Variants in RGS12 observed in about 807,000 individuals in gnomAD.
RGS12 encodes regulator of G-protein signaling 12.
In RGS12, 66 loss-of-function variants were observed where a neutral mutation model predicts 120.1. The observed-to-expected ratio is 0.55, with a 90% CI of 0.45 to 0.67. The LOEUF (loss-of-function observed/expected upper bound fraction) is 0.67, where lower values mean the gene tolerates loss of function less well. RGS12 is among the 30% of genes least tolerant of loss of function. The pLI, the probability that RGS12 is intolerant of heterozygous loss-of-function variation, is 0.00. For synonymous variants in RGS12, 827 were observed against 804.7 expected, an observed-to-expected ratio of 1.03 and a Z score of -0.47; for missense variants, 1,859 against 1,957.7, an observed-to-expected ratio of 0.95 and a Z score of 0.95.
At chr4:3,424,663 G>C (rs961528844) in intron 13 of RGS12, among the ~76,000 whole-genome samples, 1 of 152,242 alleles carries the variant, frequency 6.6e-6, no homozygotes, top group Admixed American at 6.5e-5. Context: ...TGTGAGCTGC[G>C]GCCCTCGGCT....
chr4:3,314,564 A>C (rs972333668), intron 1 of RGS12: 1 of 152,044 alleles, frequency 6.6e-6, no homozygotes, highest in African/African-American at 2.4e-5. Context: ...CACCATGCCC[A>C]GCTAATTTTT....
At position 3,417,067 on chromosome 4, in the gene RGS12, A is replaced by G; in HGVS notation, c.2582A>G (p.His861Arg). ...PASKHSLGSD[H>R]SSVSTPKKLS... is the part of the protein sequence containing the mutation. ...TCCAAGCACAGCCTCGGTTCAGACC[A>G]CTCCAGTGTGTCCACGCCAAAAAAG... Residue 861 changes from histidine (H) to arginine (R), a missense_variant, in exon 8 of 18, where the codon CAC (histidine) becomes CGC (arginine). His to Arg is a conservative substitution (Grantham distance 29). This residue lies in a region of RGS12 where 375 missense variants were observed against 475.0 expected (regional missense o/e 0.79). Transcript: ENST00000336727. 6.2e-7 allele frequency: 1 copy of G among 1,607,904 alleles called. No homozygotes were observed. Among genetic ancestry groups the G allele is most frequent in the Non-Finnish European group, 8.5e-7 (1 of 1,175,866 alleles).
intron 3 of RGS12, among the ~76,000 whole-genome samples, chr4:3,373,399 GGGGCGTGCCT>G (rs1239081142): frequency 6.6e-6 from 1 of 152,212 alleles, no homozygotes; most frequent in Non-Finnish European, 1.5e-5. Flanking sequence ...GAGGGTTTCG[GGGGCGTGCCT>G]GGGCTGACGT....
chr4:3,381,995 C>T (rs191490018), intron 3 of RGS12, among the ~76,000 whole-genome samples: 2 of 152,330 alleles, frequency 1.3e-5, no homozygotes, highest in Non-Finnish European at 2.9e-5. Flanking sequence ...TGCCAGCACC[C>T]AGCACCACTT....
chr4:3,291,758 C>G (rs1248387198), upstream of RGS12, among the ~76,000 whole-genome samples: 2 of 152,190 alleles, frequency 1.3e-5, no homozygotes, highest in Non-Finnish European at 2.9e-5. Flanking sequence ...TGTAACCGCT[C>G]TGGCCGCGCT....
Position 3,372,550 on chromosome 4 carries a change from C to T in RGS12, c.1999-13866C>T, listed in dbSNP as rs1001711282. 5.9e-5 allele frequency among the ~76,000 whole-genome samples: 9 copies of T among 152,142 alleles called. No homozygotes were observed. The highest frequency in any genetic ancestry group is 8.8e-5 in the Non-Finnish European group (6 of 68,030). ...ACTTTAGTCCTCAGCTGTCAGAGGC[C>T]GCCTCGGGTGCATCCACGCTGGCCC... On this transcript the variant is annotated intron_variant, in intron 3 of 17. Transcript: ENST00000336727. The surrounding 1 kb of genome is among the most constrained non-coding windows in gnomAD (Gnocchi z 4.3).
rs559547152 is a variant in RGS12 at position 3,344,259 on chromosome 4, G to A, written c.1998+1206G>A. Among the ~76,000 whole-genome samples, 8 of 152,290 alleles carry A rather than the reference G, an allele frequency of 5.3e-5. No individual in the cohort carries two copies. The South Asian group carries it at 6.2e-4, about 12-fold the overall frequency. On this transcript the variant is annotated intron_variant, in intron 3 of 17. Transcript: ENST00000336727. ...TGGCCTGTTTAGCTTTGGTCTCTCC[G>A]GGGAACTCGAGGGCAGGTCAGGGCT...
rs2108867219 is a variant in RGS12, at chr4:3,366,322, G to C, written c.1999-20094G>C. ...AGGATGGGAGAGCCCAGCTGGGGGAGATTTGAGGGCCCTGCCCATAGAGGA... is the reference window on the plus strand; with the variant it reads ...AGGATGGGAGAGCCCAGCTGGGGGACATTTGAGGGCCCTGCCCATAGAGGA... On this transcript the variant is annotated intron_variant, in intron 3 of 17. Coordinates refer to ENST00000336727, the MANE Select transcript of RGS12 (RefSeq NM_001394154.1). This position sits in a 1 kb window ranked among gnomAD's most constrained non-coding sequence, Gnocchi z 4.0. Among the ~76,000 whole-genome samples, 1 of 152,264 alleles carries C rather than the reference G, an allele frequency of 6.6e-6. No individual in the cohort carries two copies. The highest frequency in any genetic ancestry group is 6.5e-5 in the Admixed American group (1 of 15,304).
chr4:3,397,911 A>G (rs920989179), intron 4 of RGS12, among the ~76,000 whole-genome samples: 1 of 152,242 alleles, frequency 6.6e-6, no homozygotes, highest in South Asian at 2.1e-4. Context: ...GCAATAGGAC[A>G]TAGAACAATT....
chr4:3,406,988 T>TA (rs1560153085), intron 4 of RGS12, among the ~76,000 whole-genome samples: 1 of 152,248 alleles, frequency 6.6e-6, no homozygotes, highest in Non-Finnish European at 1.5e-5. Context: ...CACCTGCTTA[T>TA]AAAAAGATAG....
chr4:3,291,438 CG>C (rs1431211034), upstream of RGS12, among the ~76,000 whole-genome samples: 2 of 151,868 alleles, frequency 1.3e-5, no homozygotes, highest in Non-Finnish European at 2.9e-5. Context: ...CCTCCGCCTC[CG>C]GGGCTCAAGT....
intron 1 of RGS12, chr4:3,314,378 T>C (rs962678980): frequency 2.0e-5 from 3 of 152,198 alleles, no homozygotes; most frequent in Admixed American, 2.0e-4. Flanking sequence ...TTAGAAGTTA[T>C]TAACTTTAAA....
chr4:3,362,868 G>C (rs1396009724), intron 3 of RGS12, among the ~76,000 whole-genome samples: 1 of 121,630 alleles, frequency 8.2e-6, no homozygotes. Flanking sequence ...TGTGTGCGAG[G>C]GTGTGTGTGT....
rs564268149 is a variant in RGS12, at chr4:3,431,106, C to A, written c.4114+151C>A. On this transcript the variant is annotated intron_variant, in intron 17 of 17. Coordinates refer to ENST00000336727, the MANE Select transcript of RGS12 (RefSeq NM_001394154.1). ...CCTGCTGGTTGGGGGCTTCCTTGGC[C>A]CTCTTGGAAAGGAGGGGCTCGTGTG... 1.9e-3 allele frequency: 2,780 copies of A among 1,440,136 alleles called. 9 individuals are homozygous for A. Among genetic ancestry groups the A allele is most frequent in the Middle Eastern group, 0.019 (75 of 3,934 alleles). 89.2% of individuals were successfully genotyped at this position (1,440,136 alleles called of 1,614,324 possible). A position where few individuals can be genotyped will look rare whatever the true frequency, so the allele number is the denominator to read the frequency against.
At position 3,316,092 on chromosome 4, in the gene RGS12, A is replaced by G. The variant is rs527931073; in HGVS notation, c.-79A>G. 16 of 1,416,736 alleles carry G rather than the reference A, an allele frequency of 1.1e-5. No homozygotes were observed. The Admixed American group carries it at 3.6e-4, about 32-fold the overall frequency. The allele number at this position is 1,416,736 out of a possible 1,614,324, so 87.8% of individuals were successfully genotyped here. ...TAGGGCACTGTTTGAAGAAGCAAAC[A>G]TGGTAGCATCAAGCATTCCTTGAAA... On this transcript the variant is annotated 5_prime_UTR_variant, in exon 2 of 18. It removes an upstream start codon present in the reference 5' UTR. Coordinates refer to ENST00000336727, the MANE Select transcript of RGS12 (RefSeq NM_001394154.1).
chr4:3,430,479 A>T lies in RGS12; in HGVS notation c.3638A>T (p.Asp1213Val). The change falls in exon 17 of 18, where the codon GAC (aspartate) becomes GTC (valine). Residue 1213 changes from aspartate (D) to valine (V), a missense_variant. Physicochemically the swap from Asp to Val is radical, Grantham distance 152. Around this residue, in one of 3 missense-constraint regions of RGS12, gnomAD observed 517 missense variants for 488.5 expected, o/e 1.06. Transcript: ENST00000336727. ...CAACGTGGGCTGCTAAGGAAGGAAG[A>T]CCTGGTGTTGCCAGAGTTCCTCCGT... is the stretch of plus-strand genomic sequence containing the variant. ...DDQRGLLRKE[D>V]LVLPEFLRLP... 1 of 1,613,890 alleles carries T rather than the reference A, an allele frequency of 6.2e-7. No homozygotes were observed. The highest frequency in any genetic ancestry group is 8.5e-7 in the Non-Finnish European group (1 of 1,180,010).
chr4:3,318,560 C>T (rs748111016), intron 2 of RGS12, among the ~76,000 whole-genome samples: 2 of 152,232 alleles, frequency 1.3e-5, no homozygotes, highest in South Asian at 4.1e-4. Context: ...AGCTGGACTC[C>T]GCAGTGGGCC....
intron 1 of RGS12, among the ~76,000 whole-genome samples, chr4:3,297,627 A>C (rs1432282315): frequency 6.6e-6 from 1 of 152,152 alleles, no homozygotes; most frequent in African/African-American, 2.4e-5. Context: ...AGCCCTGTGG[A>C]TTAGCATCTT....
chr4:3,331,334 T>A (rs1711813713), intron 2 of RGS12, among the ~76,000 whole-genome samples: 1 of 152,074 alleles, frequency 6.6e-6, no homozygotes, highest in Non-Finnish European at 1.5e-5. Context: ...CTGGGAAGAA[T>A]CCAGGGAATT....
Sources: gnomAD v4.1 joint callset for allele counts (sites outside exome capture counted in the v4.1 genomes callset) on GRCh38, gnomAD v4.1.1 for gene constraint, gnomAD v4.1.1 regional missense constraint, Gnocchi (gnomAD v3.1) non-coding constraint, MANE v1.5 for transcripts, NCBI Gene and HGNC (gene_info 2026-07-23, HGNC 2026-07-21) for gene names.